The following KHSRP variants were observed in gnomAD, a reference collection of about 807,000 sequenced individuals.
KHSRP encodes far upstream element-binding protein 2.
Under a neutral mutation model 94.9 loss-of-function variants are expected in KHSRP, and 13 were observed. The observed-to-expected ratio is 0.14, with a 90% CI of 0.09 to 0.22. The LOEUF is 0.22. Ranked by LOEUF, KHSRP falls within the 10% of genes least tolerant of loss-of-function variation. The pLI, the probability that KHSRP is intolerant of heterozygous loss-of-function variation, is 1.00. For synonymous variants in KHSRP, 495 were observed against 401.4 expected (o/e 1.23, Z -2.79); for missense variants, 710 against 1,010.0 (o/e 0.70, Z 4.03).
chr19:6,421,933 G>A (rs919988740), intron 2 of KHSRP, among the ~76,000 whole-genome samples: 3 of 152,166 alleles, frequency 2.0e-5, no homozygotes, highest in Non-Finnish European at 2.9e-5. Context: ...GAGTCCTCCC[G>A]GTTTAGGACA....
At position 6,413,980 on chromosome 19, in the gene KHSRP, T is replaced by G; in HGVS notation, c.*1044A>C. 9.2e-7 allele frequency: 1 copy of G among 1,090,052 alleles called. No individual in the cohort carries two copies. Among genetic ancestry groups the G allele is most frequent in the Non-Finnish European group, 1.3e-6 (1 of 786,806 alleles). The allele number at this position is 1,090,052 out of a possible 1,614,324, so 67.5% of individuals were successfully genotyped here. On this transcript the variant is annotated 3_prime_UTR_variant, in exon 19 of 19. Coordinates refer to ENST00000600480, the MANE Select transcript of KHSRP (RefSeq NM_001366299.1). ...GCCCCCAAGTCCCCCCCACCCTGCT[T>G]GCCGCGAGGGCTCCCCAGTACTCCC...
At chr19:6,419,127 A>T in intron 7 of KHSRP, 76 bp downstream of exon 7, 1 of 1,436,192 alleles carries the variant, frequency 7.0e-7, no homozygotes, top group South Asian at 1.2e-5. Context: ...AGTTGCTCCC[A>T]ACTTTCAATT....
In KHSRP at chr19:6,414,376, G is replaced by A. The variant is rs780460337; in HGVS notation, c.*648C>T. The A allele has an allele frequency of 9.4e-5, 127 of 1,344,364 alleles. 1 individual carries two copies. The highest frequency in any genetic ancestry group is 2.0e-4 in the Admixed American group (6 of 30,082). 83.3% of individuals were successfully genotyped at this position (1,344,364 alleles called of 1,614,324 possible). ...AGAGAGGAGAGGGGCCGCGGAGGGCGGAGGCGCTAGGGTCGTAGGGGAGCT... is the reference window on the plus strand; with the variant it reads ...AGAGAGGAGAGGGGCCGCGGAGGGCAGAGGCGCTAGGGTCGTAGGGGAGCT... On this transcript the variant is annotated 3_prime_UTR_variant, in exon 19 of 19. Coordinates refer to ENST00000600480, the MANE Select transcript of KHSRP (RefSeq NM_001366299.1).
At position 6,415,466 on chromosome 19, in the gene KHSRP, G is replaced by C. The variant is rs1370372987; in HGVS notation, c.1889-9C>G. The stretch of plus-strand genomic sequence containing the variant: ...CTGCTGGGGCTGCTGGCCTGTGCGG[G>C]CGCCGAGACAGGTCAGAAACCACTC... On this transcript the variant is annotated splice_polypyrimidine_tract_variant and intron_variant, in intron 17 of 18. Coordinates refer to ENST00000600480, the MANE Select transcript of KHSRP (RefSeq NM_001366299.1). 1.9e-6 allele frequency: 3 copies of C among 1,555,682 alleles called. No individual in the cohort carries two copies. The highest frequency in any genetic ancestry group is 2.4e-5 in the South Asian group (2 of 84,436).
intron 11 of KHSRP, 76 bp from the exon 12 acceptor site, chr19:6,417,163 C>G: frequency 8.9e-7 from 1 of 1,129,714 alleles, no homozygotes; most frequent in Non-Finnish European, 1.2e-6. Flanking sequence ...ACGCCGCCTC[C>G]AGCGCAGACA....
chr19:6,420,383 G>T (rs762064939), intron 5 of KHSRP, 39 bp downstream of exon 5: 1 of 1,601,518 alleles, frequency 6.2e-7, no homozygotes, highest in Non-Finnish European at 8.6e-7. Context: ...TCCTCCTGGG[G>T]AAGAGTGGGC....
At chr19:6,422,510 G>C (rs879035584) in intron 1 of KHSRP, 74 bp from the exon 2 acceptor site, 1 of 1,088,674 alleles carries the variant, frequency 9.2e-7, no homozygotes, top group Non-Finnish European at 1.4e-6. Flanking sequence ...CAACTTCTCA[G>C]AACATCTCCT....
intron 1 of KHSRP, 32 bp from the exon 2 acceptor site, chr19:6,422,468 C>A (rs1217490105): frequency 2.6e-6 from 4 of 1,526,738 alleles, no homozygotes; most frequent in Non-Finnish European, 3.6e-6. Context: ...AGAAGAATTA[C>A]CACCAAAAAC....
rs1414844500 is a variant in KHSRP, at chr19:6,413,564, G to T, written c.*1460C>A. 3 of 224,226 alleles carry T rather than the reference G, an allele frequency of 1.3e-5. No homozygotes were observed. The highest frequency in any genetic ancestry group is 2.8e-5 in the Non-Finnish European group (3 of 105,278). The allele number at this position is 224,226 out of a possible 1,614,324, so 13.9% of individuals were successfully genotyped here. On this transcript the variant is annotated 3_prime_UTR_variant, in exon 19 of 19. Coordinates refer to ENST00000600480, the MANE Select transcript of KHSRP (RefSeq NM_001366299.1). ...AGAAGAGGGGGCTTGGCTGCTGGGG[G>T]AAGGGGTCCTGCAATACAACACCTG... is the stretch of plus-strand genomic sequence containing the variant.
chr19:6,419,468 T>G (rs1031009742), intron 6 of KHSRP, among the ~76,000 whole-genome samples: 2 of 152,058 alleles, frequency 1.3e-5, no homozygotes, highest in African/African-American at 4.8e-5. Context: ...GGTAGGACTT[T>G]AAGGGAAAAG....
Position 6,415,424 on chromosome 19 carries a change from T to C in KHSRP, c.1922A>G (p.Gln641Arg). Reference sequence around the variant, plus strand: ...CTCCCAAGCCTTCGTGTAGTCCTGCTGTGGGGGTGCTCCGGGCTGCTGGGG... The same window carrying C: ...CTCCCAAGCCTTCGTGTAGTCCTGCCGTGGGGGTGCTCCGGGCTGCTGGGG... ...QQPQQPGAPP[Q>R]QDYTKAWEEY... Residue 641 changes from glutamine (Q) to arginine (R), a missense_variant, in exon 18 of 19, where the codon CAG becomes CGG. Transcript: ENST00000600480. The C allele has an allele frequency of 6.3e-7, 1 of 1,585,006 alleles. No individual in the cohort carries two copies. The highest frequency in any genetic ancestry group is 1.1e-5 in the South Asian group (1 of 87,110).
chr19:6,413,970 C>CT lies in KHSRP; in HGVS notation c.*1053_*1054insA. On this transcript the variant is annotated 3_prime_UTR_variant, in exon 19 of 19. Transcript: ENST00000600480. Reference sequence around the variant, plus strand: ...GGCCCGGCATGCCCCCAAGTCCCCCCCACCCTGCTTGCCGCGAGGGCTCCC... The same window carrying CT: ...GGCCCGGCATGCCCCCAAGTCCCCCCTCACCCTGCTTGCCGCGAGGGCTCCC... 8.8e-7 allele frequency: 1 copy of CT among 1,135,112 alleles called. No individual in the cohort carries two copies. The highest frequency in any genetic ancestry group is 1.2e-6 in the Non-Finnish European group (1 of 824,230). 70.3% of individuals were successfully genotyped at this position (1,135,112 alleles called of 1,614,324 possible). A position where few individuals can be genotyped will look rare whatever the true frequency, so the allele number is the denominator to read the frequency against.
At position 6,421,415 on chromosome 19, in the gene KHSRP, G is replaced by A. The variant is rs1307177653; in HGVS notation, c.386-98C>T. 2.2e-5 allele frequency: 29 copies of A among 1,294,108 alleles called. No homozygotes were observed. The Middle Eastern group carries it at 5.5e-4, about 24-fold the overall frequency. The allele number at this position is 1,294,108 out of a possible 1,614,324, so 80.2% of individuals were successfully genotyped here. Reference sequence around the variant, plus strand: ...CAGTGGGAGCTGAGCCCGGCACCACGGTCCCCAGCCTGCTCCAGTGCCTCA... The same window carrying A: ...CAGTGGGAGCTGAGCCCGGCACCACAGTCCCCAGCCTGCTCCAGTGCCTCA... On this transcript the variant is annotated intron_variant, in intron 3 of 18. Coordinates refer to ENST00000600480, the MANE Select transcript of KHSRP (RefSeq NM_001366299.1).
At position 6,418,053 on chromosome 19, in the gene KHSRP, G is replaced by A. The variant is rs766700810; in HGVS notation, c.906C>T (p.Ile302=). 23 of 1,613,934 alleles carry A rather than the reference G, an allele frequency of 1.4e-5. No individual in the cohort carries two copies. The highest frequency in any genetic ancestry group is 3.3e-4 in the Middle Eastern group (2 of 6,062). ...VQQACEMVMD[I]LRERDQGGFG... ...AGCCGCCTTGGTCACGTTCCCGGAG[G>A]ATGTCCATCACCATCTCACAGGCTT... The change falls in exon 10 of 19, where the codon ATC becomes ATT. Residue 302 remains isoleucine, a synonymous_variant. Coordinates refer to ENST00000600480, the MANE Select transcript of KHSRP (RefSeq NM_001366299.1). The surrounding 1 kb of genome is among the most constrained non-coding windows in gnomAD (Gnocchi z 4.3).
In KHSRP at chr19:6,415,679, T is replaced by A; in HGVS notation, c.1743A>T (p.Ser581=). 1.3e-6 allele frequency: 2 copies of A among 1,546,820 alleles called. No homozygotes were observed. The highest frequency in any genetic ancestry group is 1.7e-6 in the Non-Finnish European group (2 of 1,146,526). The change falls in exon 17 of 19, where the codon TCA becomes TCT. Residue 581 remains serine (S), a synonymous_variant. Transcript: ENST00000600480. ...GGCCCGGGGGCTGCTGGTAGTAGTG[T>A]GAGTAGTAGGCGGCCCACGCGGCGT... ...DPNAAWAAYY[S]HYYQQPPGPV...
In KHSRP at chr19:6,414,677, C is replaced by T. The variant is rs910802440; in HGVS notation, c.*347G>A. ...GTCACTTGGACACAGGAAAAAAGAT[C>T]ATGGGTTTAAAAAATAAAAGAATAA... On this transcript the variant is annotated 3_prime_UTR_variant, in exon 19 of 19. Coordinates refer to ENST00000600480, the MANE Select transcript of KHSRP (RefSeq NM_001366299.1). 4 of 1,017,904 alleles carry T rather than the reference C, an allele frequency of 3.9e-6. No homozygotes were observed. Among genetic ancestry groups the T allele is most frequent in the Non-Finnish European group, 4.7e-6 (4 of 851,928 alleles). 63.1% of individuals were successfully genotyped at this position (1,017,904 alleles called of 1,614,324 possible). A position where few individuals can be genotyped will look rare whatever the true frequency, so the allele number is the denominator to read the frequency against.
In KHSRP at chr19:6,416,871, T is replaced by C; in HGVS notation, c.1194A>G (p.Pro398=). 5.0e-6 allele frequency: 8 copies of C among 1,609,606 alleles called. No homozygotes were observed. The highest frequency in any genetic ancestry group is 5.9e-6 in the Non-Finnish European group (7 of 1,178,194). ...GCATGCCTGGACCCCCTGGAGGACCTGGGGGACCACTCTGCAAGACAAGAG... is the reference window on the plus strand; with the variant it reads ...GCATGCCTGGACCCCCTGGAGGACCCGGGGGACCACTCTGCAAGACAAGAG... ...DLLQSLRSGP[P]GPPGGPGMPP... is the part of the protein sequence containing the mutation. The change falls in exon 13 of 19, where the codon CCA becomes CCG. Residue 398 remains proline (P), a synonymous_variant. Coordinates refer to ENST00000600480, the MANE Select transcript of KHSRP (RefSeq NM_001366299.1).
intron 5 of KHSRP, 121 bp downstream of exon 5, chr19:6,420,301 G>T: frequency 1.7e-6 from 2 of 1,159,032 alleles, no homozygotes; most frequent in Non-Finnish European, 2.5e-6. Context: ...ACGAAGGAGG[G>T]ACAAATGAGA....
Position 6,414,789 on chromosome 19 carries a change from G to C in KHSRP, c.*235C>G. Reference sequence around the variant, plus strand: ...GTGGCCAGATTGTGAGCGAGGTGGTGGCGGCCGGGCCGGTGCCCACCGTCC... The same window carrying C: ...GTGGCCAGATTGTGAGCGAGGTGGTCGCGGCCGGGCCGGTGCCCACCGTCC... On this transcript the variant is annotated 3_prime_UTR_variant, in exon 19 of 19. Coordinates refer to ENST00000600480, the MANE Select transcript of KHSRP (RefSeq NM_001366299.1). The C allele has an allele frequency of 8.7e-7, 1 of 1,148,828 alleles. No individual in the cohort carries two copies. The highest frequency in any genetic ancestry group is 1.1e-6 in the Non-Finnish European group (1 of 933,986). The allele number at this position is 1,148,828 out of a possible 1,614,324, so 71.2% of individuals were successfully genotyped here.
Sources: allele counts gnomAD v4.1 joint callset (sites outside exome capture counted in the v4.1 genomes callset), GRCh38; gene constraint gnomAD v4.1.1; non-coding constraint Gnocchi (gnomAD v3.1); transcripts MANE v1.5; gene names NCBI Gene and HGNC (gene_info 2026-07-23, HGNC 2026-07-21).